SCRN3: variants seen among roughly 807,000 people sequenced by gnomAD.
The protein encoded by SCRN3 is secernin 3.
A neutral mutation model predicts 43.1 loss-of-function variants in SCRN3; 39 were observed. That is an observed-to-expected ratio of 0.91 (90% CI 0.70 to 1.18). The LOEUF is 1.18. SCRN3 is among the 50% of genes most tolerant of loss of function. SCRN3 has a pLI of 0.00. For missense variants in SCRN3, 484 were observed against 498.0 expected, an observed-to-expected ratio of 0.97 and a Z score of 0.27; for synonymous variants, 147 against 163.1, an observed-to-expected ratio of 0.90 and a Z score of 0.75.
rs1197292061 is a variant in SCRN3, at chr2:174,398,314, G to A, written c.31G>A (p.Ala11Thr). The change falls in exon 2 of 8, where the codon GCA becomes ACA. Residue 11 changes from alanine to threonine, a missense_variant. Ala to Thr is a moderately conservative substitution (Grantham distance 58). Transcript: ENST00000272732. ...ACCTTTTTCCTGTGACACTTTCGTG[G>A]CATTACCTCCAGCAACAGTCGATAA... MEPFSCDTFV[A>T]LPPATVDNRI... is the part of the protein sequence containing the mutation. 1 of 1,587,008 alleles carries A rather than the reference G, an allele frequency of 6.3e-7. No individual in the cohort carries two copies. Among genetic ancestry groups the A allele is most frequent in the Non-Finnish European group, 8.5e-7 (1 of 1,170,982 alleles).
intron 4 of SCRN3, among the ~76,000 whole-genome samples, chr2:174,401,525 A>G (rs1413020196): frequency 6.6e-6 from 1 of 152,180 alleles, no homozygotes; most frequent in East Asian, 1.9e-4. Context: ...GCACTCCAAA[A>G]TCTTATGTGT....
At chr2:174,422,592 G>A (rs1686329956) in intron 5 of SCRN3, among the ~76,000 whole-genome samples, 2 of 150,274 alleles carry the variant, frequency 1.3e-5, no homozygotes. Context: ...AAAAAATTCT[G>A]TAAGGGCAAT....
chr2:174,411,757 A>C (rs1322056499), intron 5 of SCRN3, among the ~76,000 whole-genome samples: 1 of 152,072 alleles, frequency 6.6e-6, no homozygotes, highest in Non-Finnish European at 1.5e-5. Context: ...CCCCGTCTCT[A>C]CTAAAAATAC....
At chr2:174,401,388 A>AT (rs1685504531) in intron 4 of SCRN3, among the ~76,000 whole-genome samples, 199 bp downstream of exon 4, 1 of 152,188 alleles carries the variant, frequency 6.6e-6, no homozygotes, top group African/African-American at 2.4e-5. Flanking sequence ...AAAAGGTAGC[A>AT]TTACCTCTGG....
intron 5 of SCRN3, among the ~76,000 whole-genome samples, chr2:174,421,294 C>T (rs1686284941): frequency 6.6e-6 from 1 of 152,070 alleles, no homozygotes; most frequent in Non-Finnish European, 1.5e-5. Flanking sequence ...GAAATGCTAA[C>T]GGGCATTCTT....
chr2:174,400,239 C>T (rs545295009), intron 3 of SCRN3, 136 bp downstream of exon 3: 6 of 581,846 alleles, frequency 1.0e-5, no homozygotes, highest in South Asian at 2.9e-5. Context: ...TTTAAAGTAC[C>T]GGCATGCAAT....
rs1424059693 is a variant in SCRN3 at position 174,427,818 on chromosome 2, G to A, written c.1198G>A (p.Val400Ile). 6.2e-7 allele frequency: 1 copy of A among 1,609,604 alleles called. No homozygotes were observed. Among genetic ancestry groups the A allele is most frequent in the East Asian group, 2.2e-5 (1 of 44,704 alleles). The change falls in exon 8 of 8, where the codon GTT becomes ATT. Residue 400 changes from valine to isoleucine, a missense_variant. Transcript: ENST00000272732. ...CAAGCATCTTGATGTGGAGAAAATT[G>A]TTAATCTCTTTCCTCAGTGTACAAA... ...QNKHLDVEKI[V>I]NLFPQCTKDE...
chr2:174,422,818 C>T, intron 5 of SCRN3, 67 bp from the exon 6 acceptor site: 1 of 929,556 alleles, frequency 1.1e-6, no homozygotes, highest in Admixed American at 2.3e-5. Context: ...GTAGAGAAAG[C>T]AGTTCATATT....
At chr2:174,397,381 A>AT (rs1685362200) in intron 1 of SCRN3, 1 of 963,784 alleles carries the variant, frequency 1.0e-6, no homozygotes, top group East Asian at 1.1e-4. Context: ...AAGATCTAAG[A>AT]TTTTCCAAGT....
chr2:174,427,587 C>A (rs1357667370), intron 7 of SCRN3, 126 bp from the exon 8 acceptor site: 3 of 480,484 alleles, frequency 6.2e-6, no homozygotes, highest in Non-Finnish European at 1.1e-5. Flanking sequence ...CTCTAAAGAA[C>A]AAGAAGGGAA....
chr2:174,399,765 G>A (rs1685437873), intron 2 of SCRN3, among the ~76,000 whole-genome samples, 157 bp from the exon 3 acceptor site: 1 of 152,064 alleles, frequency 6.6e-6, no homozygotes, highest in Non-Finnish European at 1.5e-5. Flanking sequence ...TGTTTTAAGG[G>A]TAATGCCTTT....
In SCRN3 at chr2:174,414,910, C is replaced by T. The variant is rs548392046; in HGVS notation, c.755-7975C>T. On this transcript the variant is annotated intron_variant, in intron 5 of 7. Coordinates refer to ENST00000272732, the MANE Select transcript of SCRN3 (RefSeq NM_024583.5). ...TCCCAAGTAGCTGGGATTACAGGTG[C>T]CTGCCACCACGCCTGGCTAATTTTT... is the stretch of plus-strand genomic sequence containing the variant. Among the ~76,000 whole-genome samples the T allele has an allele frequency of 1.2e-4, 19 of 152,024 alleles. No individual in the cohort carries two copies. In the South Asian group the frequency reaches 3.3e-3, roughly 27 times the overall value.
Position 174,412,743 on chromosome 2 carries a change from G to A in SCRN3, c.754+8428G>A, listed in dbSNP as rs944173645. Among the ~76,000 whole-genome samples the A allele has an allele frequency of 1.6e-4, 24 of 151,782 alleles. 1 individual carries two copies. The highest frequency in any genetic ancestry group is 3.1e-4 in the African/African-American group (13 of 41,348). The stretch of plus-strand genomic sequence containing the variant: ...CAGGAAAGAAATCCCATGAAGTTGT[G>A]TAAGAATGCTTGGGCCTACCCTAAG... On this transcript the variant is annotated intron_variant, in intron 5 of 7. Coordinates refer to ENST00000272732, the MANE Select transcript of SCRN3 (RefSeq NM_024583.5).
chr2:174,418,851 G>A (rs1686201381), intron 5 of SCRN3, among the ~76,000 whole-genome samples: 12 of 152,102 alleles, frequency 7.9e-5, no homozygotes. Flanking sequence ...CTTCTTTACT[G>A]TGTTTTTCAA....
chr2:174,427,691 C>G, intron 7 of SCRN3, 22 bp from the exon 8 acceptor site: 1 of 1,508,934 alleles, frequency 6.6e-7, no homozygotes, highest in Non-Finnish European at 9.1e-7. Flanking sequence ...ATGTGTTTAT[C>G]TTTATATTTT....
rs1465279815 is a variant in SCRN3, at chr2:174,406,567, C to T, written c.754+2252C>T. Among the ~76,000 whole-genome samples the T allele has an allele frequency of 2.7e-5, 4 of 150,642 alleles. No homozygotes were observed. In the Admixed American group the frequency reaches 2.7e-4, roughly 10 times the overall value. ...TCAAAGGAAATGCTTCCAGTTTTTG[C>T]CCATTCAGTATGATATTGGCTGTGG... is the stretch of plus-strand genomic sequence containing the variant. On this transcript the variant is annotated intron_variant, in intron 5 of 7. Transcript: ENST00000272732.
At position 174,428,050 on chromosome 2, in the gene SCRN3, C is replaced by T. The variant is rs371176427; in HGVS notation, c.*155C>T. ...AAGTGGTATCTTGACTATTAAACTA[C>T]GTATAGTGTTGCTGAAATAGAAAGA... On this transcript the variant is annotated 3_prime_UTR_variant, in exon 8 of 8. Transcript: ENST00000272732. 19 of 447,506 alleles carry T rather than the reference C, an allele frequency of 4.2e-5. No homozygotes were observed. The highest frequency in any genetic ancestry group is 2.4e-4 in the African/African-American group (12 of 49,868). 27.7% of individuals were successfully genotyped at this position (447,506 alleles called of 1,614,324 possible). A position where few individuals can be genotyped will look rare whatever the true frequency, so the allele number is the denominator to read the frequency against.
At position 174,428,848 on chromosome 2, in the gene SCRN3, A is replaced by G. The variant is rs1686574325; in HGVS notation, c.*953A>G. ...ACATAAAGATTACCAAGTAAGACTC[A>G]AAATTGCAAATATAAACAAAAGAAA... On this transcript the variant is annotated 3_prime_UTR_variant, in exon 8 of 8. Coordinates refer to ENST00000272732, the MANE Select transcript of SCRN3 (RefSeq NM_024583.5). The G allele has an allele frequency of 6.6e-6, 1 of 152,244 alleles. No individual in the cohort carries two copies. The highest frequency in any genetic ancestry group is 6.5e-5 in the Admixed American group (1 of 15,290). 9.4% of individuals were successfully genotyped at this position (152,244 alleles called of 1,614,324 possible). A position where few individuals can be genotyped will look rare whatever the true frequency, so the allele number is the denominator to read the frequency against.
At chr2:174,395,937 T>G (rs1574638487) in intron 1 of SCRN3, 120 bp downstream of exon 1, 2 of 1,412,680 alleles carry the variant, frequency 1.4e-6, no homozygotes, top group Non-Finnish European at 9.2e-7. Flanking sequence ...GGCTGCGGTT[T>G]GAGCGCCCAG....
Sources: allele counts gnomAD v4.1 joint callset (sites outside exome capture counted in the v4.1 genomes callset), GRCh38; gene constraint gnomAD v4.1.1; transcripts MANE v1.5; gene names NCBI Gene and HGNC (gene_info 2026-07-23, HGNC 2026-07-21).